Variants in RBMS3 observed in about 807,000 individuals in gnomAD.
The protein encoded by RBMS3 is RNA binding motif single stranded interacting protein 3, also known as RNA-binding motif, single-stranded-interacting protein 3.
Under a neutral mutation model 66.8 loss-of-function variants are expected in RBMS3, and 27 were observed. That is an observed-to-expected ratio of 0.40 (90% CI 0.30 to 0.56). The LOEUF is 0.56. RBMS3 is among the 20% of genes least tolerant of loss of function. The pLI is 0.40. For synonymous variants in RBMS3, 188 were observed against 183.0 expected (o/e 1.03, Z -0.22); for missense variants, 513 against 549.5 (o/e 0.93, Z 0.66).
chr3:29,897,243 T>C, intron 8 of RBMS3, 136 bp from the exon 9 acceptor site: 1 of 689,724 alleles, frequency 1.4e-6, no homozygotes, highest in Non-Finnish European at 2.5e-6. Flanking sequence ...GTAAATCTCC[T>C]AGACGTTCTT....
intron 3 of RBMS3, among the ~76,000 whole-genome samples, chr3:29,505,516 TTTG>T (rs1053700001): frequency 2.3e-4 from 28 of 119,388 alleles, no homozygotes; most frequent in African/African-American, 8.3e-4. Flanking sequence ...GTTTTTTTTT[TTTG>T]TTGTTTGTTT....
chr3:29,355,629 C>T (rs59272177), intron 1 of RBMS3, among the ~76,000 whole-genome samples: 10,300 of 151,638 alleles, frequency 0.068, 403 homozygotes, highest in African/African-American at 0.1. Flanking sequence ...TATTATATCT[C>T]GGAAAGAAAT....
chr3:29,867,589 T>G (rs1032835144), intron 6 of RBMS3, among the ~76,000 whole-genome samples: 1 of 149,206 alleles, frequency 6.7e-6, no homozygotes, highest in Non-Finnish European at 1.5e-5. Flanking sequence ...AACCTGGGCA[T>G]GTTCACATAT....
chr3:29,321,944 A>T (rs563629533), intron 1 of RBMS3, among the ~76,000 whole-genome samples: 9 of 140,436 alleles, frequency 6.4e-5, no homozygotes, highest in Admixed American at 2.1e-4. Flanking sequence ...TATTTAATTC[A>T]ATGATTTTTC....
chr3:29,547,013 T>G (rs40343), intron 3 of RBMS3, among the ~76,000 whole-genome samples: 50,629 of 152,064 alleles, frequency 0.33, 8,904 homozygotes, highest in Middle Eastern at 0.47. Context: ...GTCCCACTGG[T>G]CACCCAGGCT....
At chr3:29,442,779 T>C (rs1461124624) in intron 2 of RBMS3, among the ~76,000 whole-genome samples, 3 of 152,148 alleles carry the variant, frequency 2.0e-5, no homozygotes, top group Non-Finnish European at 4.4e-5. Context: ...TTAAGCTCTC[T>C]GTTACTTGAC....
rs556286373 is a variant in RBMS3, at chr3:29,729,047, A to G, written c.400-10673A>G. ...TGTGCACAACGTGCAGGTTTGTTAC[A>G]TACGTATACATGTGCCATGTTGGTT... On this transcript the variant is annotated intron_variant, in intron 4 of 14. Transcript: ENST00000383767. Among the ~76,000 whole-genome samples, 32 of 152,212 alleles carry G rather than the reference A, an allele frequency of 2.1e-4. No homozygotes were observed. The East Asian group carries it at 4.1e-3, about 19-fold the overall frequency.
At chr3:29,723,374 T>C (rs1426245852) in intron 4 of RBMS3, among the ~76,000 whole-genome samples, 1 of 152,226 alleles carries the variant, frequency 6.6e-6, no homozygotes, top group Non-Finnish European at 1.5e-5. Context: ...ATATTCCTTC[T>C]ACATTTATTA....
chr3:29,711,896 A>G (rs2053185945), intron 4 of RBMS3, among the ~76,000 whole-genome samples: 1 of 152,238 alleles, frequency 6.6e-6, no homozygotes, highest in Non-Finnish European at 1.5e-5. Context: ...GAATGCTAGC[A>G]TAACCATTAA....
intron 10 of RBMS3, among the ~76,000 whole-genome samples, chr3:29,907,811 A>G (rs2060417194): frequency 6.6e-6 from 1 of 152,154 alleles, no homozygotes; most frequent in South Asian, 2.1e-4. Context: ...CTCTTTTTGG[A>G]GATTATAAAA....
At chr3:29,744,644 C>T (rs868327012) in intron 5 of RBMS3, among the ~76,000 whole-genome samples, 1 of 152,128 alleles carries the variant, frequency 6.6e-6, no homozygotes, top group Admixed American at 6.5e-5. Context: ...ATTAGCCAGG[C>T]GTGGTGGCAC....
intron 6 of RBMS3, among the ~76,000 whole-genome samples, chr3:29,867,516 G>A (rs1356639972): frequency 1.4e-5 from 2 of 140,976 alleles, no homozygotes; most frequent in Non-Finnish European, 3.1e-5. Context: ...GTATGGCCTT[G>A]GCTGGAATGT....
At chr3:29,543,093 G>A (rs2045825757) in intron 3 of RBMS3, among the ~76,000 whole-genome samples, 2 of 152,162 alleles carry the variant, frequency 1.3e-5, no homozygotes, top group Non-Finnish European at 2.9e-5. Context: ...CACCACATAT[G>A]GGGAAGGAAG....
chr3:29,841,248 GT>G (rs1479671845), intron 6 of RBMS3, among the ~76,000 whole-genome samples: 4 of 151,706 alleles, frequency 2.6e-5, no homozygotes, highest in Non-Finnish European at 4.4e-5. Context: ...CCCTCGATTT[GT>G]TGTGTGCCTC....
At chr3:29,458,833 G>T (rs2042279359) in intron 2 of RBMS3, among the ~76,000 whole-genome samples, 1 of 152,162 alleles carries the variant, frequency 6.6e-6, no homozygotes, top group South Asian at 2.1e-4. Context: ...ATGTAAGCAG[G>T]ATGAATATTA....
At chr3:29,304,320 T>C (rs1471691174) in intron 1 of RBMS3, among the ~76,000 whole-genome samples, 2 of 151,984 alleles carry the variant, frequency 1.3e-5, no homozygotes, top group Non-Finnish European at 2.9e-5. Flanking sequence ...TAATGGTAAT[T>C]ATATTTATGC....
chr3:29,382,049 G>A (rs2038786227), intron 1 of RBMS3, among the ~76,000 whole-genome samples: 1 of 152,066 alleles, frequency 6.6e-6, no homozygotes, highest in South Asian at 2.1e-4. Flanking sequence ...AGTAAATATT[G>A]TGAGTAGACA....
chr3:29,363,515 C>T (rs1013104929), intron 1 of RBMS3, among the ~76,000 whole-genome samples: 20 of 152,234 alleles, frequency 1.3e-4, no homozygotes, highest in South Asian at 1.0e-3. Flanking sequence ...ATTTGCCGGG[C>T]GTGGTGGCTC....
intron 4 of RBMS3, among the ~76,000 whole-genome samples, chr3:29,592,233 T>G (rs537782847): frequency 6.6e-5 from 10 of 151,790 alleles, no homozygotes; most frequent in African/African-American, 2.2e-4. Context: ...ACAAAATATA[T>G]CACCACAGTG....
Sources: allele counts gnomAD v4.1 joint callset (sites outside exome capture counted in the v4.1 genomes callset), GRCh38; gene constraint gnomAD v4.1.1; transcripts MANE v1.5; gene names NCBI Gene and HGNC (gene_info 2026-07-23, HGNC 2026-07-21).